Variants in MACROD2 observed in about 807,000 individuals in gnomAD.
MACROD2 encodes mono-ADP ribosylhydrolase 2.
Under a neutral mutation model 70.4 loss-of-function variants are expected in MACROD2, and 36 were observed. The ratio of observed to expected loss-of-function variants is 0.51; its 90% CI spans 0.39 to 0.68. The LOEUF (loss-of-function observed/expected upper bound fraction) is 0.68, where lower values mean the gene tolerates loss of function less well. MACROD2 is among the 30% of genes least tolerant of loss of function. The pLI is 0.00. For missense variants in MACROD2, 496 were observed against 538.4 expected (o/e 0.92, Z 0.78); for synonymous variants, 172 against 178.8 (o/e 0.96, Z 0.30).
intron 5 of MACROD2, among the ~76,000 whole-genome samples, chr20:14,972,717 T>C (rs1011190583): frequency 1.3e-5 from 2 of 152,176 alleles, no homozygotes; most frequent in South Asian, 2.1e-4. Flanking sequence ...CAGAGCACTT[T>C]GGATTCATTT....
intron 3 of MACROD2, among the ~76,000 whole-genome samples, chr20:14,456,988 G>A (rs2123003323): frequency 6.6e-6 from 1 of 151,870 alleles, no homozygotes; most frequent in Admixed American, 6.6e-5. Flanking sequence ...GTTTCCGTTG[G>A]ACTTTATTTT....
At chr20:14,282,510 C>T (rs983016866) in intron 3 of MACROD2, among the ~76,000 whole-genome samples, 2 of 152,058 alleles carry the variant, frequency 1.3e-5, no homozygotes, top group African/African-American at 2.4e-5. Flanking sequence ...TGAAATGTTC[C>T]GTGAGAAAGT....
intron 15 of MACROD2, among the ~76,000 whole-genome samples, chr20:16,005,606 A>G (rs1417931742): frequency 3.3e-5 from 5 of 152,172 alleles, no homozygotes; most frequent in African/African-American, 9.7e-5. Flanking sequence ...AGGAGCATTT[A>G]TTTCTCCTTT....
intron 3 of MACROD2, among the ~76,000 whole-genome samples, chr20:14,146,209 T>C (rs551856603): frequency 4.6e-5 from 7 of 152,106 alleles, no homozygotes; most frequent in African/African-American, 1.7e-4. Context: ...TCCCAGCTAC[T>C]CAGAGAGGCT....
At chr20:14,424,604 G>A (rs1030737249) in intron 3 of MACROD2, among the ~76,000 whole-genome samples, 1 of 152,172 alleles carries the variant, frequency 6.6e-6, no homozygotes, top group African/African-American at 2.4e-5. Flanking sequence ...TTGTGTACTG[G>A]ACTGCTGTGA....
chr20:14,773,004 G>A (rs1471246980), intron 5 of MACROD2, among the ~76,000 whole-genome samples: 5 of 151,916 alleles, frequency 3.3e-5, no homozygotes, highest in Non-Finnish European at 5.9e-5. Context: ...CCATCTAGTG[G>A]TGAAGTGGTT....
At chr20:14,568,683 C>G (rs993074420) in intron 4 of MACROD2, among the ~76,000 whole-genome samples, 1 of 151,982 alleles carries the variant, frequency 6.6e-6, no homozygotes, top group Non-Finnish European at 1.5e-5. Context: ...TGAACTTTCT[C>G]CCAATCTAAT....
At position 14,225,506 on chromosome 20, in the gene MACROD2, T is replaced by C. The variant is rs117732744; in HGVS notation, c.271+139778T>C. Among the ~76,000 whole-genome samples the C allele has an allele frequency of 4.7e-3, 722 of 152,364 alleles. 2 individuals are homozygous for C. The highest frequency in any genetic ancestry group is 9.2e-3 in the East Asian group (48 of 5,190). Reference sequence around the variant, plus strand: ...AGCTTTTCAAATATGATTCTCACAGTGTCCTGTGTATTGTTAAAAATAATT... The same window carrying C: ...AGCTTTTCAAATATGATTCTCACAGCGTCCTGTGTATTGTTAAAAATAATT... On this transcript the variant is annotated intron_variant, in intron 3 of 17. Coordinates refer to ENST00000684519, the MANE Select transcript of MACROD2 (RefSeq NM_001351661.2).
intron 8 of MACROD2, among the ~76,000 whole-genome samples, chr20:15,673,111 A>G (rs909167608): frequency 7.2e-5 from 11 of 152,298 alleles, no homozygotes; most frequent in African/African-American, 2.6e-4. Flanking sequence ...AACAGTGTGT[A>G]AACAGACTAA....
intron 5 of MACROD2, among the ~76,000 whole-genome samples, chr20:14,733,844 C>G (rs2071626246): frequency 6.6e-6 from 1 of 152,152 alleles, no homozygotes; most frequent in South Asian, 2.1e-4. Context: ...ACTTGAGAAT[C>G]CAAGGACATA....
chr20:14,485,795 T>G (rs955983742), intron 3 of MACROD2, among the ~76,000 whole-genome samples: 2 of 151,388 alleles, frequency 1.3e-5, no homozygotes, highest in Non-Finnish European at 2.9e-5. Flanking sequence ...CTTGATTCTT[T>G]AACATGTTCA....
intron 5 of MACROD2, among the ~76,000 whole-genome samples, chr20:14,861,141 G>C (rs1204391780): frequency 6.6e-6 from 1 of 152,040 alleles, no homozygotes; most frequent in Admixed American, 6.6e-5. Flanking sequence ...ACAAAGTGTG[G>C]GCAGCATTGA....
intron 4 of MACROD2, among the ~76,000 whole-genome samples, chr20:14,515,361 A>G (rs2085080161): frequency 1.3e-5 from 2 of 151,802 alleles, no homozygotes; most frequent in South Asian, 4.1e-4. Flanking sequence ...AGATATCTGC[A>G]CTCCCATGTT....
intron 5 of MACROD2, among the ~76,000 whole-genome samples, chr20:14,706,852 T>G (rs1264878695): frequency 1.3e-5 from 2 of 152,080 alleles, no homozygotes; most frequent in Admixed American, 1.3e-4. Flanking sequence ...TCATTCTAAT[T>G]TTTAACTTAT....
intron 10 of MACROD2, among the ~76,000 whole-genome samples, chr20:15,908,955 A>T (rs1243381445): frequency 6.6e-6 from 1 of 152,224 alleles, no homozygotes; most frequent in Non-Finnish European, 1.5e-5. Context: ...GGTACTAGGG[A>T]TGTATAAAAC....
intron 3 of MACROD2, among the ~76,000 whole-genome samples, chr20:14,280,959 A>G (rs1039106284): frequency 4.9e-4 from 74 of 152,330 alleles, no homozygotes; most frequent in African/African-American, 1.7e-3. Flanking sequence ...TACTTTTAGG[A>G]AACTTTTATA....
chr20:14,333,641 G>T (rs1033370336), intron 3 of MACROD2, among the ~76,000 whole-genome samples: 2 of 152,102 alleles, frequency 1.3e-5, no homozygotes, highest in Admixed American at 1.3e-4. Context: ...AACAGTGTGG[G>T]TACAACTTGG....
At position 15,533,544 on chromosome 20, in the gene MACROD2, G is replaced by GCTCTCT. The variant is rs3071260; in HGVS notation, c.645+33730_645+33735dup. ...CCAACTTTCTGTCTCTGTCTCTGTC[G>GCTCTCT]CTCTCTCTCTCTCTCTCTCTCTCTC... On this transcript the variant is annotated intron_variant, in intron 8 of 17. Coordinates refer to ENST00000684519, the MANE Select transcript of MACROD2 (RefSeq NM_001351661.2). 5.3e-3 allele frequency among the ~76,000 whole-genome samples: 753 copies of GCTCTCT among 141,154 alleles called. 11 individuals carry two copies. The highest frequency in any genetic ancestry group is 0.028 in the Admixed American group (398 of 14,300). 92.6% of individuals were successfully genotyped at this position (141,154 alleles called of 152,430 possible). A position where few individuals can be genotyped will look rare whatever the true frequency, so the allele number is the denominator to read the frequency against.
At chr20:14,152,380 T>G (rs1366907619) in intron 3 of MACROD2, among the ~76,000 whole-genome samples, 1 of 152,014 alleles carries the variant, frequency 6.6e-6, no homozygotes, top group East Asian at 1.9e-4. Flanking sequence ...CAGTCAACAA[T>G]AATTGCATTT....
Sources: allele counts gnomAD v4.1 joint callset (sites outside exome capture counted in the v4.1 genomes callset), GRCh38; gene constraint gnomAD v4.1.1; transcripts MANE v1.5; gene names NCBI Gene and HGNC (gene_info 2026-07-23, HGNC 2026-07-21).